The following UBXN2B variants were observed in gnomAD, a reference collection of about 807,000 sequenced individuals.
UBXN2B encodes UBX domain protein 2B, also known as UBX domain-containing protein 2B.
Under a neutral mutation model 37.5 loss-of-function variants are expected in UBXN2B, and 19 were observed. The ratio of observed to expected loss-of-function variants is 0.51; its 90% CI spans 0.35 to 0.74. UBXN2B has a LOEUF of 0.74. Ranked by LOEUF, UBXN2B falls within the 30% of genes least tolerant of loss-of-function variation. The pLI is 0.01. For synonymous variants in UBXN2B, 145 were observed against 143.8 expected, an observed-to-expected ratio of 1.01 and a Z score of -0.06; for missense variants, 370 against 393.2, an observed-to-expected ratio of 0.94 and a Z score of 0.50.
chr8:58,411,511 G>A, intron 1 of UBXN2B, 42 bp downstream of exon 1: 1 of 1,242,380 alleles, frequency 8.0e-7, no homozygotes, highest in Non-Finnish European at 1.0e-6. Context: ...CGGTGGACGC[G>A]GGCTGGTGAC....
chr8:58,436,429 A>C (rs972891505), intron 5 of UBXN2B, among the ~76,000 whole-genome samples: 1 of 152,372 alleles, frequency 6.6e-6, no homozygotes, highest in Non-Finnish European at 1.5e-5. Flanking sequence ...GGAACCCAAG[A>C]TGAGTCTTTA....
chr8:58,416,271 A>C (rs1008460818), intron 1 of UBXN2B, among the ~76,000 whole-genome samples: 5 of 152,096 alleles, frequency 3.3e-5, no homozygotes, highest in African/African-American at 1.2e-4. Flanking sequence ...TATCCAGCCA[A>C]TATCTAGAAT....
chr8:58,437,610 AC>A (rs1808447726), intron 5 of UBXN2B, among the ~76,000 whole-genome samples: 1 of 152,008 alleles, frequency 6.6e-6, no homozygotes, highest in African/African-American at 2.4e-5. Flanking sequence ...GGCGTAAGCC[AC>A]CATGCCTGGC....
intron 1 of UBXN2B, among the ~76,000 whole-genome samples, chr8:58,413,924 G>A (rs951959332): frequency 4.6e-5 from 7 of 152,086 alleles, no homozygotes; most frequent in African/African-American, 1.7e-4. Flanking sequence ...TTTCTCTTCT[G>A]GTGTCCCTCA....
At chr8:58,418,471 C>T (rs1807842574) in intron 2 of UBXN2B, among the ~76,000 whole-genome samples, 1 of 151,942 alleles carries the variant, frequency 6.6e-6, no homozygotes, top group Non-Finnish European at 1.5e-5. Context: ...ATTATGTTGA[C>T]TTTTTTAGAG....
In UBXN2B at chr8:58,424,706, C is replaced by A. The variant is rs189286652; in HGVS notation, c.189-5813C>A. The A allele has an allele frequency of 8.9e-4, 1,160 of 1,296,610 alleles. 6 individuals are homozygous for A. The African/African-American group carries it at 0.013, about 14-fold the overall frequency. 80.3% of individuals were successfully genotyped at this position (1,296,610 alleles called of 1,614,324 possible). A position where few individuals can be genotyped will look rare whatever the true frequency, so the allele number is the denominator to read the frequency against. ...ACAAGGCGGGGGGGGGGGCTCTGAT[C>A]TCCACTCGTCTGGTCCGCTAGAGAA... On this transcript the variant is annotated intron_variant, in intron 2 of 7. Transcript: ENST00000399598.
rs546974801 is a variant in UBXN2B at position 58,450,973 on chromosome 8, A to G, written c.*3422A>G. 1 of 152,724 alleles carries G rather than the reference A, an allele frequency of 6.5e-6. No individual in the cohort carries two copies. The highest frequency in any genetic ancestry group is 1.5e-5 in the Non-Finnish European group (1 of 68,032). 9.5% of individuals were successfully genotyped at this position (152,724 alleles called of 1,614,324 possible). A position where few individuals can be genotyped will look rare whatever the true frequency, so the allele number is the denominator to read the frequency against. Reference sequence around the variant, plus strand: ...TCACTTACTGAAAACAACTTGGATAATGTGTAACAGCCAGCCCCATTTCAA... The same window carrying G: ...TCACTTACTGAAAACAACTTGGATAGTGTGTAACAGCCAGCCCCATTTCAA... On this transcript the variant is annotated 3_prime_UTR_variant, in exon 8 of 8. Coordinates refer to ENST00000399598, the MANE Select transcript of UBXN2B (RefSeq NM_001077619.2).
chr8:58,432,585 T>C (rs1265160606), intron 3 of UBXN2B, among the ~76,000 whole-genome samples: 4 of 152,046 alleles, frequency 2.6e-5, no homozygotes, highest in African/African-American at 9.7e-5. Flanking sequence ...GGTTTCACCA[T>C]GTTAGCCAGG....
At chr8:58,421,902 A>G (rs1303511875) in intron 2 of UBXN2B, among the ~76,000 whole-genome samples, 3 of 152,360 alleles carry the variant, frequency 2.0e-5, no homozygotes, top group South Asian at 2.1e-4. Flanking sequence ...AAAGCTAGCC[A>G]AGATCAGGTA....
Position 58,441,367 on chromosome 8 carries a change from A to ATATATATATATATATATATATGTATG in UBXN2B, c.671+1598_671+1599insATATATATATATATATATATGTATGT, listed in dbSNP as rs1554553148. On this transcript the variant is annotated intron_variant, in intron 6 of 7. Transcript: ENST00000399598. ...GATCAACATATATATATATATATAT[A>ATATATATATATATATATATATGTATG]TGTATGTGTATATATATGTATGTAT... 5.1e-4 allele frequency among the ~76,000 whole-genome samples: 73 copies of ATATATATATATATATATATATGTATG among 142,456 alleles called. 1 individual carries two copies. The highest frequency in any genetic ancestry group is 1.8e-3 in the African/African-American group (69 of 37,552). 93.5% of individuals were successfully genotyped at this position (142,456 alleles called of 152,430 possible).
intron 2 of UBXN2B, among the ~76,000 whole-genome samples, chr8:58,427,192 A>AGGAC (rs1451772644): frequency 5.7e-4 from 87 of 152,242 alleles, no homozygotes; most frequent in Non-Finnish European, 2.1e-4. Flanking sequence ...TTCAAGGCCA[A>AGGAC]GGACGGTGGC....
At chr8:58,421,342 GT>G (rs111981301) in intron 2 of UBXN2B, among the ~76,000 whole-genome samples, 287 of 140,784 alleles carry the variant, frequency 2.0e-3, no homozygotes, top group Middle Eastern at 0.011. Flanking sequence ...GCACCTTTTA[GT>G]TTTTTTTTTT....
chr8:58,432,120 T>C (rs1340258627), intron 3 of UBXN2B, among the ~76,000 whole-genome samples: 1 of 152,216 alleles, frequency 6.6e-6, no homozygotes, highest in Non-Finnish European at 1.5e-5. Context: ...TTTTTTTTCT[T>C]TTATGGATCA....
chr8:58,443,219 C>A (rs1409614560), intron 6 of UBXN2B, among the ~76,000 whole-genome samples: 1 of 152,182 alleles, frequency 6.6e-6, no homozygotes, highest in African/African-American at 2.4e-5. Context: ...AATTCACATT[C>A]TTATTATGTT....
At chr8:58,428,579 A>T (rs1808166056) in intron 2 of UBXN2B, among the ~76,000 whole-genome samples, 1 of 152,210 alleles carries the variant, frequency 6.6e-6, no homozygotes, top group Non-Finnish European at 1.5e-5. Context: ...TTTAAGGCCC[A>T]GCTGAGTACT....
intron 1 of UBXN2B, 91 bp downstream of exon 1, chr8:58,411,560 C>T (rs1248462241): frequency 9.3e-7 from 1 of 1,070,282 alleles, no homozygotes; most frequent in African/African-American, 1.6e-5. Flanking sequence ...CCTCTGGCCT[C>T]GGCGGAGCCT....
At chr8:58,441,184 G>GT (rs1563467106) in intron 6 of UBXN2B, among the ~76,000 whole-genome samples, 1 of 151,036 alleles carries the variant, frequency 6.6e-6, no homozygotes, top group African/African-American at 2.4e-5. Context: ...GTAGAGACAC[G>GT]TGTCTTACTA....
chr8:58,434,369 A>ATT lies in UBXN2B; in HGVS notation c.424-15_424-14dup, dbSNP rs3080297. 384 of 306,730 alleles carry ATT rather than the reference A, an allele frequency of 1.3e-3. 1 individual carries two copies. The highest frequency in any genetic ancestry group is 4.1e-3 in the South Asian group (39 of 9,624). The allele number at this position is 306,730 out of a possible 1,614,324, so 19.0% of individuals were successfully genotyped here. A position where few individuals can be genotyped will look rare whatever the true frequency, so the allele number is the denominator to read the frequency against. ...TGTGAATATATATATATATATATAT[A>ATT]TTTTTTTTTTTTCTATACCCAAAAG... On this transcript the variant is annotated intron_variant, in intron 4 of 7. Transcript: ENST00000399598.
chr8:58,434,770 A>G, intron 5 of UBXN2B: 2 of 1,513,016 alleles, frequency 1.3e-6, no homozygotes, highest in South Asian at 1.2e-5. Context: ...CCCAGCTCCA[A>G]GAAGAAACAT....
Sources: allele counts gnomAD v4.1 joint callset (sites outside exome capture counted in the v4.1 genomes callset), GRCh38; gene constraint gnomAD v4.1.1; transcripts MANE v1.5; gene names NCBI Gene and HGNC (gene_info 2026-07-23, HGNC 2026-07-21).